The following MACROD2 variants were observed in gnomAD, a reference collection of about 807,000 sequenced individuals.
The protein encoded by MACROD2 is ADP-ribose glycohydrolase MACROD2.
A neutral mutation model predicts 70.4 loss-of-function variants in MACROD2; 36 were observed. That is an observed-to-expected ratio of 0.51 (90% CI 0.39 to 0.68). The LOEUF is 0.68. MACROD2 is among the 30% of genes least tolerant of loss of function. MACROD2 has a pLI of 0.00. For synonymous variants in MACROD2, 172 were observed against 178.8 expected, an observed-to-expected ratio of 0.96 and a Z score of 0.30; for missense variants, 496 against 538.4, an observed-to-expected ratio of 0.92 and a Z score of 0.78.
At chr20:14,128,601 T>G (rs1247655305) in intron 3 of MACROD2, among the ~76,000 whole-genome samples, 1 of 152,192 alleles carries the variant, frequency 6.6e-6, no homozygotes, top group Non-Finnish European at 1.5e-5. Context: ...AGATTTTCAG[T>G]GTATATGAAA....
In MACROD2 at chr20:15,860,228, C is replaced by A. The variant is rs573611822; in HGVS notation, c.646-2517C>A. 5.9e-5 allele frequency among the ~76,000 whole-genome samples: 9 copies of A among 151,964 alleles called. No homozygotes were observed. The South Asian group carries it at 1.7e-3, about 28-fold the overall frequency. Reference sequence around the variant, plus strand: ...AAACACACACTCATACACACTCATGCACATATTTATACACACTCACACAAG... The same window carrying A: ...AAACACACACTCATACACACTCATGAACATATTTATACACACTCACACAAG... On this transcript the variant is annotated intron_variant, in intron 8 of 17. Transcript: ENST00000684519.
At chr20:15,347,363 C>T (rs1728991131) in intron 6 of MACROD2, among the ~76,000 whole-genome samples, 1 of 152,024 alleles carries the variant, frequency 6.6e-6, no homozygotes, top group African/African-American at 2.4e-5. Context: ...GAAATGTAAG[C>T]ACTTTGTACT....
chr20:15,251,420 T>TGCA (rs1168139192), intron 6 of MACROD2, among the ~76,000 whole-genome samples: 3 of 152,156 alleles, frequency 2.0e-5, no homozygotes, highest in Non-Finnish European at 4.4e-5. Flanking sequence ...TCAATGACAT[T>TGCA]GCAGCACATT....
intron 3 of MACROD2, among the ~76,000 whole-genome samples, chr20:14,375,556 A>G (rs1316417810): frequency 6.6e-6 from 1 of 152,066 alleles, no homozygotes; most frequent in East Asian, 1.9e-4. Context: ...TTATTATGGA[A>G]TTTAATAGCA....
chr20:14,688,974 A>G (rs1048148481), intron 5 of MACROD2, among the ~76,000 whole-genome samples: 2 of 152,202 alleles, frequency 1.3e-5, no homozygotes, highest in African/African-American at 4.8e-5. Context: ...TTTCTAGTAA[A>G]TTAACATTCT....
intron 8 of MACROD2, among the ~76,000 whole-genome samples, chr20:15,667,156 A>C (rs1433988250): frequency 2.0e-5 from 3 of 151,890 alleles, no homozygotes; most frequent in Admixed American, 1.3e-4. Flanking sequence ...ATCAGGGTGG[A>C]TCCCTCATGG....
At chr20:15,065,020 G>A (rs1433144407) in intron 5 of MACROD2, among the ~76,000 whole-genome samples, 1 of 151,896 alleles carries the variant, frequency 6.6e-6, no homozygotes, top group African/African-American at 2.4e-5. Context: ...GTTCAGAGTA[G>A]TTGGTAAACG....
chr20:15,968,980 A>G (rs1238994930), intron 13 of MACROD2, among the ~76,000 whole-genome samples: 1 of 151,722 alleles, frequency 6.6e-6, no homozygotes, highest in Non-Finnish European at 1.5e-5. Flanking sequence ...AGCTCTTTTT[A>G]CCTTAGGGCA....
intron 6 of MACROD2, among the ~76,000 whole-genome samples, chr20:15,426,969 G>T (rs1010241966): frequency 6.6e-6 from 1 of 151,980 alleles, no homozygotes; most frequent in African/African-American, 2.4e-5. Flanking sequence ...TTGTTAGTTT[G>T]CTTGTTCACT....
At chr20:15,803,475 T>C (rs1039360382) in intron 8 of MACROD2, among the ~76,000 whole-genome samples, 2 of 152,128 alleles carry the variant, frequency 1.3e-5, no homozygotes, top group South Asian at 2.1e-4. Flanking sequence ...TGGGACACTA[T>C]TGGTCTCATT....
chr20:15,082,527 T>TG (rs1265379959), intron 5 of MACROD2, among the ~76,000 whole-genome samples: 1 of 134,824 alleles, frequency 7.4e-6, no homozygotes, highest in Non-Finnish European at 1.6e-5. Flanking sequence ...CAAGAGGTTT[T>TG]TTTTTTTTTT....
At chr20:14,200,108 CAT>C (rs1439754018) in intron 3 of MACROD2, among the ~76,000 whole-genome samples, 1 of 152,044 alleles carries the variant, frequency 6.6e-6, no homozygotes, top group Non-Finnish European at 1.5e-5. Context: ...CATAAACCTG[CAT>C]ATTTTGGAAT....
intron 8 of MACROD2, among the ~76,000 whole-genome samples, chr20:15,656,893 A>G (rs1438331959): frequency 1.3e-5 from 2 of 151,628 alleles, no homozygotes; most frequent in Admixed American, 6.6e-5. Context: ...AAAGTATTAG[A>G]AAAAAAAAGA....
At chr20:15,564,870 G>A (rs1376765827) in intron 8 of MACROD2, among the ~76,000 whole-genome samples, 1 of 152,068 alleles carries the variant, frequency 6.6e-6, no homozygotes, top group Non-Finnish European at 1.5e-5. Flanking sequence ...AAATAATTGA[G>A]TGTTTCCTAT....
intron 8 of MACROD2, among the ~76,000 whole-genome samples, chr20:15,816,989 A>T (rs1328415679): frequency 2.0e-5 from 3 of 152,190 alleles, no homozygotes. Flanking sequence ...ACAAAAAAAA[A>T]CGATGCTCGT....
chr20:15,442,892 G>A (rs906256337), intron 7 of MACROD2, among the ~76,000 whole-genome samples: 2 of 152,092 alleles, frequency 1.3e-5, no homozygotes, highest in Non-Finnish European at 1.5e-5. Flanking sequence ...ATAATGCTGA[G>A]TGCTTACAAA....
chr20:14,325,798 C>T, intron 3 of MACROD2: 2 of 1,613,918 alleles, frequency 1.2e-6, no homozygotes, highest in Non-Finnish European at 1.7e-6. Flanking sequence ...ATCCTTTCTT[C>T]TCCTCCCTTT....
rs531771426 is a variant in MACROD2, at chr20:15,693,539, G to A, written c.646-169206G>A. ...ACATTTACTGCTGGCTACTTGCCCT[G>A]TGAAGCCGAGCAGAATCTGGAAACT... is the stretch of plus-strand genomic sequence containing the variant. On this transcript the variant is annotated intron_variant, in intron 8 of 17. Coordinates refer to ENST00000684519, the MANE Select transcript of MACROD2 (RefSeq NM_001351661.2). 1.3e-4 allele frequency among the ~76,000 whole-genome samples: 20 copies of A among 152,166 alleles called. No individual in the cohort carries two copies. The South Asian group carries it at 4.1e-3, about 32-fold the overall frequency.
chr20:14,705,847 T>C (rs2071262537), intron 5 of MACROD2, among the ~76,000 whole-genome samples: 1 of 152,196 alleles, frequency 6.6e-6, no homozygotes, highest in Non-Finnish European at 1.5e-5. Context: ...TCTTTGCCAC[T>C]GTTTCCTCCT....
Sources: gnomAD v4.1 joint callset for allele counts (sites outside exome capture counted in the v4.1 genomes callset) on GRCh38, gnomAD v4.1.1 for gene constraint, MANE v1.5 for transcripts, NCBI Gene and HGNC (gene_info 2026-07-23, HGNC 2026-07-21) for gene names.